The following TMEM201 variants were observed in gnomAD, a reference collection of about 807,000 sequenced individuals.
TMEM201 encodes the protein RP13-15M17.2.
In TMEM201, 26 loss-of-function variants were observed where a neutral mutation model predicts 63.4. The observed-to-expected ratio is 0.41, with a 90% CI of 0.30 to 0.57. TMEM201 has a LOEUF of 0.57. Among genes scored for constraint, TMEM201 ranks in the 20% least tolerant of loss-of-function variants. The probability of loss-of-function intolerance (pLI) is 0.29; values close to 1 mark genes in which losing one functional copy is unlikely to be tolerated. For missense variants in TMEM201, 794 were observed against 917.7 expected (o/e 0.87, Z 1.74); for synonymous variants, 417 against 421.6 (o/e 0.99, Z 0.14).
chr1:9,601,009 TG>T, intron 4 of TMEM201, 95 bp from the exon 5 acceptor site: 1 of 1,099,320 alleles, frequency 9.1e-7, no homozygotes, highest in Non-Finnish European at 1.3e-6. Context: ...TGTGAGAACA[TG>T]GGTCTGGCCA....
chr1:9,612,078 C>T (rs978729126), intron 10 of TMEM201, among the ~76,000 whole-genome samples, 188 bp downstream of exon 10: 1 of 152,354 alleles, frequency 6.6e-6, no homozygotes, highest in Admixed American at 6.5e-5. Context: ...CACTCCCCCT[C>T]TCGGGATTTG....
At position 9,609,543 on chromosome 1, in the gene TMEM201, G is replaced by C. The variant is rs148989659; in HGVS notation, c.1394-297G>C. Among the ~76,000 whole-genome samples, 8 of 152,286 alleles carry C rather than the reference G, an allele frequency of 5.3e-5. No individual in the cohort carries two copies. In the East Asian group the frequency reaches 1.5e-3, roughly 29 times the overall value. ...CGACTCTTCTCACCACCTGCTGTGA[G>C]CCTCAAGTTTCTTCCTGACCTCGTG... is the stretch of plus-strand genomic sequence containing the variant. On this transcript the variant is annotated intron_variant, in intron 7 of 10. Coordinates refer to ENST00000340381, the MANE Select transcript of TMEM201 (RefSeq NM_001130924.3).
At chr1:9,606,386 C>T (rs1557560041) in intron 6 of TMEM201, 2 of 152,234 alleles carry the variant, frequency 1.3e-5, no homozygotes, top group African/African-American at 4.8e-5. Flanking sequence ...TCTCCTGGCA[C>T]CTTGGAAGGC....
In TMEM201 at chr1:9,610,548, T is replaced by C; in HGVS notation, c.1508T>C (p.Leu503Pro). Residue 503 changes from leucine (L) to proline (P), a missense_variant, in exon 9 of 11, where the codon CTC becomes CCC. Coordinates refer to ENST00000340381, the MANE Select transcript of TMEM201 (RefSeq NM_001130924.3). This position sits in a 1 kb window ranked among gnomAD's most constrained non-coding sequence, Gnocchi z 4.9. Reference sequence around the variant, plus strand: ...TCGGGGAGCTGCCCCTCCTCCCCACTCCCTTCCCCAGCGCCTTCCGTGGCC... The same window carrying C: ...TCGGGGAGCTGCCCCTCCTCCCCACCCCCTTCCCCAGCGCCTTCCGTGGCC... ...LLSGSCPSSP[L>P]PSPAPSVAGS... 6.5e-7 allele frequency: 1 copy of C among 1,546,594 alleles called. No homozygotes were observed. Among genetic ancestry groups the C allele is most frequent in the Non-Finnish European group, 8.7e-7 (1 of 1,143,980 alleles).
intron 10 of TMEM201, 110 bp from the exon 11 acceptor site, chr1:9,612,876 C>T: frequency 1.1e-6 from 1 of 918,180 alleles, no homozygotes; most frequent in Non-Finnish European, 1.7e-6. Flanking sequence ...CAGAGAGTAC[C>T]CTGGGCAGAG....
chr1:9,614,051 G>A lies in TMEM201; in HGVS notation c.*968G>A, dbSNP rs1644359619. On this transcript the variant is annotated 3_prime_UTR_variant, in exon 11 of 11. Transcript: ENST00000340381. ...GGGCTCCTTCCTGGCACTGAGGAGGGGCGCTCCCAATGCTGTGAGGCAGCG... is the reference window on the plus strand; with the variant it reads ...GGGCTCCTTCCTGGCACTGAGGAGGAGCGCTCCCAATGCTGTGAGGCAGCG... 6.6e-6 allele frequency: 1 copy of A among 152,266 alleles called. No homozygotes were observed. Among genetic ancestry groups the A allele is most frequent in the African/African-American group, 2.4e-5 (1 of 41,450 alleles). The allele number at this position is 152,266 out of a possible 1,614,324, so 9.4% of individuals were successfully genotyped here. A position where few individuals can be genotyped will look rare whatever the true frequency, so the allele number is the denominator to read the frequency against.
At chr1:9,597,303 A>G (rs1187862512) in intron 3 of TMEM201, among the ~76,000 whole-genome samples, 2 of 152,224 alleles carry the variant, frequency 1.3e-5, no homozygotes, top group Non-Finnish European at 2.9e-5. Flanking sequence ...AGTCACTGCT[A>G]TCGGGGTTCC....
In TMEM201 at chr1:9,604,597, C is replaced by T. The variant is rs954332662; in HGVS notation, c.1160+2325C>T. On this transcript the variant is annotated intron_variant, in intron 6 of 10. Coordinates refer to ENST00000340381, the MANE Select transcript of TMEM201 (RefSeq NM_001130924.3). The surrounding 1 kb of genome is among the most constrained non-coding windows in gnomAD (Gnocchi z 4.1). ...GGCCATCAGACCTTCTAGGGTCTGG[C>T]TGGGGTCATCCTAGGTATGGGTGAC... The T allele has an allele frequency of 5.1e-6, 5 of 985,368 alleles. No homozygotes were observed. Among genetic ancestry groups the T allele is most frequent in the Non-Finnish European group, 6.0e-6 (5 of 829,926 alleles). The allele number at this position is 985,368 out of a possible 1,614,324, so 61.0% of individuals were successfully genotyped here.
intron 10 of TMEM201, among the ~76,000 whole-genome samples, chr1:9,612,364 A>G (rs1214673739): frequency 3.3e-5 from 5 of 152,218 alleles, no homozygotes; most frequent in African/African-American, 1.2e-4. Flanking sequence ...CTCAGATCCC[A>G]GGTTCTCTGC....
At chr1:9,595,572 C>T (rs9430369) in intron 1 of TMEM201, among the ~76,000 whole-genome samples, 103,230 of 151,996 alleles carry the variant, frequency 0.68, 36,862 homozygotes, top group Non-Finnish European at 0.8. Context: ...CCTGGGTCCC[C>T]GTGCGGCCGC....
rs1423703362 is a variant in TMEM201, at chr1:9,604,038, A to T, written c.1160+1766A>T. On this transcript the variant is annotated intron_variant, in intron 6 of 10. Transcript: ENST00000340381. This position sits in a 1 kb window ranked among gnomAD's most constrained non-coding sequence, Gnocchi z 4.1. ...CAGGGAACCGCCTGCCTGTGCACTC[A>T]CGCCACCCCCCAGCCCACAAAGAGC... 1.0e-6 allele frequency: 1 copy of T among 985,206 alleles called. No homozygotes were observed. The highest frequency in any genetic ancestry group is 1.2e-6 in the Non-Finnish European group (1 of 829,944). 61.0% of individuals were successfully genotyped at this position (985,206 alleles called of 1,614,324 possible).
In TMEM201 at chr1:9,607,100, A is replaced by T. The variant is rs896156657; in HGVS notation, c.1161-457A>T. 6.6e-6 allele frequency among the ~76,000 whole-genome samples: 1 copy of T among 152,054 alleles called. No individual in the cohort carries two copies. The highest frequency in any genetic ancestry group is 2.4e-5 in the African/African-American group (1 of 41,404). ...TTCCTATGATCCAGGCCCATCTGGGAGATGAGCCAGGATGTCCCTGAGCCC... is the reference window on the plus strand; with the variant it reads ...TTCCTATGATCCAGGCCCATCTGGGTGATGAGCCAGGATGTCCCTGAGCCC... On this transcript the variant is annotated intron_variant, in intron 6 of 10. Transcript: ENST00000340381. The surrounding 1 kb of genome is among the most constrained non-coding windows in gnomAD (Gnocchi z 5.4).
At chr1:9,592,577 A>G (rs1229635328) in intron 1 of TMEM201, among the ~76,000 whole-genome samples, 2 of 140,982 alleles carry the variant, frequency 1.4e-5, no homozygotes, top group Admixed American at 1.5e-4. Flanking sequence ...CGCACCTAGA[A>G]CAGAGCCCCT....
chr1:9,596,100 C>T lies in TMEM201; in HGVS notation c.234+90C>T, dbSNP rs979184148. 29 of 1,504,690 alleles carry T rather than the reference C, an allele frequency of 1.9e-5. No homozygotes were observed. In the African/African-American group the frequency reaches 2.9e-4, roughly 15 times the overall value. 93.2% of individuals were successfully genotyped at this position (1,504,690 alleles called of 1,614,324 possible). Reference sequence around the variant, plus strand: ...GAGACCACCCTGTGTCCCTGCCCTGCCCCGGGGCTCATGGACCCCACACCC... The same window carrying T: ...GAGACCACCCTGTGTCCCTGCCCTGTCCCGGGGCTCATGGACCCCACACCC... On this transcript the variant is annotated intron_variant, in intron 2 of 10. Coordinates refer to ENST00000340381, the MANE Select transcript of TMEM201 (RefSeq NM_001130924.3).
chr1:9,602,317 T>C, intron 6 of TMEM201, 45 bp downstream of exon 6: 1 of 1,601,846 alleles, frequency 6.2e-7, no homozygotes, highest in Non-Finnish European at 8.5e-7. Flanking sequence ...ACACGGATGC[T>C]CAGGCCCAGG....
rs555671116 is a variant in TMEM201 at position 9,604,357 on chromosome 1, C to G, written c.1160+2085C>G. 77 of 985,450 alleles carry G rather than the reference C, an allele frequency of 7.8e-5. No homozygotes were observed. The African/African-American group carries it at 1.3e-3, about 16-fold the overall frequency. 61.0% of individuals were successfully genotyped at this position (985,450 alleles called of 1,614,324 possible). A position where few individuals can be genotyped will look rare whatever the true frequency, so the allele number is the denominator to read the frequency against. On this transcript the variant is annotated intron_variant, in intron 6 of 10. Transcript: ENST00000340381. The surrounding 1 kb of genome is among the most constrained non-coding windows in gnomAD (Gnocchi z 4.1). ...GGAAGCGACATCTCAGGAGGTAGCT[C>G]TCAGCAGAGTGAGGATTCCTGCCTT...
At position 9,613,377 on chromosome 1, in the gene TMEM201, C is replaced by T. The variant is rs1316631591; in HGVS notation, c.*294C>T. The T allele has an allele frequency of 6.0e-6, 3 of 500,628 alleles. No homozygotes were observed. Among genetic ancestry groups the T allele is most frequent in the South Asian group, 4.7e-5 (2 of 42,140 alleles). 31.0% of individuals were successfully genotyped at this position (500,628 alleles called of 1,614,324 possible). A position where few individuals can be genotyped will look rare whatever the true frequency, so the allele number is the denominator to read the frequency against. On this transcript the variant is annotated 3_prime_UTR_variant, in exon 11 of 11. Coordinates refer to ENST00000340381, the MANE Select transcript of TMEM201 (RefSeq NM_001130924.3). ...AGGGAGCCCCAAGGGGCTGCATGAC[C>T]CTGGGGTGCCCCACACAGTTCAGCC...
chr1:9,590,853 C>G (rs185535203), intron 1 of TMEM201, among the ~76,000 whole-genome samples: 1 of 152,308 alleles, frequency 6.6e-6, no homozygotes, highest in Admixed American at 6.5e-5. Context: ...AGCCTTCCTC[C>G]GAGGAGGAGA....
chr1:9,605,256 C>T lies in TMEM201; in HGVS notation c.1161-2301C>T, dbSNP rs988571980. On this transcript the variant is annotated intron_variant, in intron 6 of 10. Coordinates refer to ENST00000340381, the MANE Select transcript of TMEM201 (RefSeq NM_001130924.3). The surrounding 1 kb of genome is among the most constrained non-coding windows in gnomAD (Gnocchi z 5.7). ...TCCCCTTGGTGTCAGATGAGCGTATCCGCTCCGGCACTCCCCAGAGCCAGC... is the reference window on the plus strand; with the variant it reads ...TCCCCTTGGTGTCAGATGAGCGTATTCGCTCCGGCACTCCCCAGAGCCAGC... Among the ~76,000 whole-genome samples, 2 of 152,182 alleles carry T rather than the reference C, an allele frequency of 1.3e-5. No individual in the cohort carries two copies. The highest frequency in any genetic ancestry group is 2.9e-5 in the Non-Finnish European group (2 of 68,022).
Sources: gnomAD v4.1 joint callset for allele counts (sites outside exome capture counted in the v4.1 genomes callset) on GRCh38, gnomAD v4.1.1 for gene constraint, Gnocchi (gnomAD v3.1) non-coding constraint, MANE v1.5 for transcripts, NCBI Gene and HGNC (gene_info 2026-07-23, HGNC 2026-07-21) for gene names.